CCDC18: variants seen among roughly 807,000 people sequenced by gnomAD.
CCDC18 encodes coiled-coil domain containing 18.
A neutral mutation model predicts 196.0 loss-of-function variants in CCDC18; 157 were observed. The ratio of observed to expected loss-of-function variants is 0.80; its 90% confidence interval spans 0.70 to 0.91. CCDC18 has a LOEUF of 0.91. Among genes scored for constraint, CCDC18 ranks in the 40% least tolerant of loss-of-function variants. The probability of loss-of-function intolerance (pLI) is 0.00; values close to 1 mark genes in which losing one functional copy is unlikely to be tolerated. For missense variants in CCDC18, 1,465 were observed against 1,611.6 expected (o/e 0.91, Z 1.56); for synonymous variants, 482 against 529.2 (o/e 0.91, Z 1.22).
rs1265883768 is a variant in CCDC18, at chr1:93,216,757, T to C, written c.1830+11T>C. On this transcript the variant is annotated intron_variant, in intron 13 of 28. Transcript: ENST00000690025. ...GAACAGGAGCTTATGGTAAAACTTATCTTTGTTCCTACAAATTTACTGTGA... is the reference window on the plus strand; with the variant it reads ...GAACAGGAGCTTATGGTAAAACTTACCTTTGTTCCTACAAATTTACTGTGA... 2 of 1,372,878 alleles carry C rather than the reference T, an allele frequency of 1.5e-6. No individual in the cohort carries two copies. Among genetic ancestry groups the C allele is most frequent in the Non-Finnish European group, 2.0e-6 (2 of 986,300 alleles). 85.0% of individuals were successfully genotyped at this position (1,372,878 alleles called of 1,614,324 possible). A position where few individuals can be genotyped will look rare whatever the true frequency, so the allele number is the denominator to read the frequency against.
At chr1:93,188,643 T>C (rs1023867169) in intron 4 of CCDC18, among the ~76,000 whole-genome samples, 5 of 152,172 alleles carry the variant, frequency 3.3e-5, no homozygotes, top group African/African-American at 9.7e-5. Context: ...ATCTCTTTTT[T>C]CCCCCCATTT....
chr1:93,208,539 C>A (rs1238935194), intron 9 of CCDC18, among the ~76,000 whole-genome samples: 2 of 152,142 alleles, frequency 1.3e-5, no homozygotes, highest in African/African-American at 4.8e-5. Context: ...TCATGATCAA[C>A]CCACCTTGGC....
chr1:93,180,490 T>G, upstream of CCDC18: 1 of 1,527,016 alleles, frequency 6.5e-7, no homozygotes, highest in Non-Finnish European at 8.8e-7. Context: ...AGGCCAGGCG[T>G]GAGCGCCGCC....
Position 93,221,762 on chromosome 1 carries a change from A to G in CCDC18, c.2097+19A>G. ...CAAAGGGGTAAAATCATCCTTATAAAAGTGCTATTTAGAAGTTGACTAATA... is the reference window on the plus strand; with the variant it reads ...CAAAGGGGTAAAATCATCCTTATAAGAGTGCTATTTAGAAGTTGACTAATA... On this transcript the variant is annotated intron_variant, in intron 15 of 28. Transcript: ENST00000690025. 1 of 1,597,120 alleles carries G rather than the reference A, an allele frequency of 6.3e-7. No homozygotes were observed. Among genetic ancestry groups the G allele is most frequent in the Non-Finnish European group, 8.5e-7 (1 of 1,175,640 alleles).
chr1:93,235,169 ATTTTAGAAGAACGGGG>A (rs1416442012), intron 18 of CCDC18, among the ~76,000 whole-genome samples: 1 of 151,826 alleles, frequency 6.6e-6, no homozygotes, highest in Non-Finnish European at 1.5e-5. Context: ...TCAGTGAGGG[ATTTTAGAAGAACGGGG>A]GATATGCAGG....
At chr1:93,197,983 C>T (rs897717489) in intron 6 of CCDC18, among the ~76,000 whole-genome samples, 25 of 151,928 alleles carry the variant, frequency 1.6e-4, no homozygotes, top group African/African-American at 5.6e-4. Context: ...AATCTCCTGA[C>T]CTCGTGATCC....
rs780794979 is a variant in CCDC18, at chr1:93,239,891, A to T, written c.2976A>T (p.Glu992Asp). 6.3e-7 allele frequency: 1 copy of T among 1,580,776 alleles called. No homozygotes were observed. The highest frequency in any genetic ancestry group is 8.7e-7 in the Non-Finnish European group (1 of 1,154,612). ...KYTTIKDLTAELRECKMEIED... is the reference protein window; with the variant it reads ...KYTTIKDLTADLRECKMEIED... ...CTACTATAAAGGATCTCACAGCTGA[A>T]CTTAGGTGAGTTAAATAATAAGAAA... Residue 992 changes from glutamate to aspartate, a missense_variant, in exon 21 of 29, where the codon GAA becomes GAT. Glu to Asp is a conservative substitution (Grantham distance 45). Transcript: ENST00000690025.
chr1:93,221,534 G>T (rs797661), intron 14 of CCDC18, 75 bp from the exon 15 acceptor site: 367,045 of 985,164 alleles, frequency 0.37, 75,232 homozygotes, highest in African/African-American at 0.8. Flanking sequence ...CAATTATAGT[G>T]TCACATGTAT....
In CCDC18 at chr1:93,239,389, G is replaced by A. The variant is rs775631653; in HGVS notation, c.2683G>A (p.Gly895Arg). Reference sequence around the variant, plus strand: ...GGAAATAATGCACCTAAAACGAGATGGAGAAAATAAAGCAATGCACCTCTC... The same window carrying A: ...GGAAATAATGCACCTAAAACGAGATAGAGAAAATAAAGCAATGCACCTCTC... ...EKEIMHLKRD[G>R]ENKAMHLSQL... Residue 895 changes from glycine to arginine, a missense_variant, in exon 20 of 29, where the codon GGA becomes AGA. Coordinates refer to ENST00000690025, the MANE Select transcript of CCDC18 (RefSeq NM_001378204.1). The A allele has an allele frequency of 7.4e-6, 12 of 1,613,146 alleles. No homozygotes were observed. Among genetic ancestry groups the A allele is most frequent in the Admixed American group, 1.7e-5 (1 of 59,962 alleles).
chr1:93,221,719 T>C lies in CCDC18; in HGVS notation c.2073T>C (p.Asp691=). The C allele has an allele frequency of 1.3e-6, 2 of 1,599,624 alleles. No individual in the cohort carries two copies. Among genetic ancestry groups the C allele is most frequent in the South Asian group, 2.3e-5 (2 of 87,046 alleles). The part of the protein sequence containing the change: ...ICKQHHLESL[D]RLLTESKGEM... Reference sequence around the variant, plus strand: ...AACAACATCATCTTGAATCACTAGATAGACTCTTGACGGAAAGCAAAGGGG... The same window carrying C: ...AACAACATCATCTTGAATCACTAGACAGACTCTTGACGGAAAGCAAAGGGG... Residue 691 remains aspartate, a synonymous_variant, in exon 15 of 29, where the codon GAT becomes GAC. Coordinates refer to ENST00000690025, the MANE Select transcript of CCDC18 (RefSeq NM_001378204.1).
intron 11 of CCDC18, 54 bp from the exon 12 acceptor site, chr1:93,214,689 A>G: frequency 8.2e-7 from 1 of 1,226,498 alleles, no homozygotes; most frequent in Non-Finnish European, 1.2e-6. Context: ...CTATTTAAGT[A>G]GGTTTTTATT....
chr1:93,190,828 C>A, intron 4 of CCDC18: 1 of 719,222 alleles, frequency 1.4e-6, no homozygotes, highest in Non-Finnish European at 2.6e-6. Context: ...TCTCTTAGAT[C>A]TGCAGTTGGG....
chr1:93,244,534 T>G (rs1661242864), intron 21 of CCDC18, among the ~76,000 whole-genome samples: 1 of 152,122 alleles, frequency 6.6e-6, no homozygotes, highest in Admixed American at 6.5e-5. Flanking sequence ...AAAGAAAGAT[T>G]AGTGGTTGCC....
chr1:93,186,291 G>A, intron 3 of CCDC18, 54 bp from the exon 4 acceptor site: 22 of 1,504,344 alleles, frequency 1.5e-5, no homozygotes, highest in Non-Finnish European at 2.0e-5. Flanking sequence ...TTAATTACAT[G>A]TAACCCTTAA....
chr1:93,263,881 T>C (rs1664142221), intron 26 of CCDC18, among the ~76,000 whole-genome samples: 1 of 152,096 alleles, frequency 6.6e-6, no homozygotes, highest in African/African-American at 2.4e-5. Flanking sequence ...AATTACACAG[T>C]CTTAGGGCTG....
chr1:93,200,552 ATG>A (rs1653655456), intron 6 of CCDC18, among the ~76,000 whole-genome samples: 1 of 152,176 alleles, frequency 6.6e-6, no homozygotes, highest in Non-Finnish European at 1.5e-5. Context: ...GTAGGTTAAC[ATG>A]AATGTACAAA....
intron 9 of CCDC18, among the ~76,000 whole-genome samples, chr1:93,208,375 A>T (rs1655065053): frequency 6.8e-6 from 1 of 147,506 alleles, no homozygotes. Context: ...TCTGTTGCCC[A>T]GGCTGGAGTG....
chr1:93,198,187 A>C (rs1653121349), intron 6 of CCDC18, among the ~76,000 whole-genome samples: 1 of 152,256 alleles, frequency 6.6e-6, no homozygotes, highest in African/African-American at 2.4e-5. Flanking sequence ...TCCCTGTATT[A>C]AAAGACATGT....
chr1:93,206,146 A>G (rs1654670596), intron 8 of CCDC18, among the ~76,000 whole-genome samples: 1 of 152,024 alleles, frequency 6.6e-6, no homozygotes, highest in Non-Finnish European at 1.5e-5. Context: ...TCAGAGGTTA[A>G]TATTAACCAG....
Sources: gnomAD v4.1 joint callset for allele counts (sites outside exome capture counted in the v4.1 genomes callset) on GRCh38, gnomAD v4.1.1 for gene constraint, MANE v1.5 for transcripts, NCBI Gene and HGNC (gene_info 2026-07-23, HGNC 2026-07-21) for gene names.